BRD1: variants seen among roughly 807,000 people sequenced by gnomAD.
BRD1 encodes bromodomain-containing protein 1.
Under a neutral mutation model 107.7 loss-of-function variants are expected in BRD1, and 24 were observed. The ratio of observed to expected loss-of-function variants is 0.22; its 90% CI spans 0.16 to 0.31. The LOEUF is 0.31. Ranked by LOEUF, BRD1 falls within the 10% of genes least tolerant of loss-of-function variation. BRD1 has a pLI of 1.00. For synonymous variants in BRD1, 744 were observed against 686.1 expected (o/e 1.08, Z -1.32); for missense variants, 1,279 against 1,638.6 (o/e 0.78, Z 3.79).
chr22:49,804,188 G>A lies in BRD1; in HGVS notation c.1524+16C>T, dbSNP rs1436874766. On this transcript the variant is annotated intron_variant, in intron 3 of 12. Coordinates refer to ENST00000404760, the MANE Select transcript of BRD1 (RefSeq NM_001304808.3). ...TGAGAGACGCAGAAAGGCTGTGGGG[G>A]CCACGAGCCACGTACCTGCTGTGAG... 6.4e-7 allele frequency: 1 copy of A among 1,557,684 alleles called. No individual in the cohort carries two copies. The highest frequency in any genetic ancestry group is 1.2e-5 in the South Asian group (1 of 83,872).
rs2059031603 is a variant in BRD1, at chr22:49,773,872, T to G, written c.*361A>C. The G allele has an allele frequency of 5.8e-6, 1 of 172,474 alleles. No individual in the cohort carries two copies. 10.7% of individuals were successfully genotyped at this position (172,474 alleles called of 1,614,324 possible). On this transcript the variant is annotated 3_prime_UTR_variant, in exon 13 of 13. Transcript: ENST00000404760. ...CTTTCTTAAAATACACATTTGTCAT[T>G]GTAAATTTACATCCCGTCTTATTAA... is the stretch of plus-strand genomic sequence containing the variant.
chr22:49,821,294 T>A (rs1280231863), intron 2 of BRD1, among the ~76,000 whole-genome samples: 1 of 152,222 alleles, frequency 6.6e-6, no homozygotes, highest in African/African-American at 2.4e-5. Flanking sequence ...AGATCACATT[T>A]TGTTTATTTT....
chr22:49,788,485 T>A (rs969214335), intron 7 of BRD1, among the ~76,000 whole-genome samples: 1 of 152,148 alleles, frequency 6.6e-6, no homozygotes, highest in Non-Finnish European at 1.5e-5. Context: ...AATATTGTGA[T>A]GGGAGCTTTC....
chr22:49,781,050 C>A (rs557699202), intron 8 of BRD1, among the ~76,000 whole-genome samples: 1 of 152,288 alleles, frequency 6.6e-6, no homozygotes, highest in South Asian at 2.1e-4. Flanking sequence ...GTGAGAAATA[C>A]GTTAAAAGAG....
At position 49,798,617 on chromosome 22, in the gene BRD1, C is replaced by T. The variant is rs768131704; in HGVS notation, c.1726G>A (p.Asp576Asn). Residue 576 changes from aspartate to asparagine, a missense_variant, in exon 5 of 13, where the codon GAC becomes AAC. This residue lies in a region of BRD1 where 406 missense variants were observed against 519.4 expected (regional missense o/e 0.78). Transcript: ENST00000404760. Reference sequence around the variant, plus strand: ...GCGGGGTCCTTGTCTTGCAGCTGGTCCAGCACTGAGCGCAGCAGCACCGTC... The same window carrying T: ...GCGGGGTCCTTGTCTTGCAGCTGGTTCAGCACTGAGCGCAGCAGCACCGTC... ...PLTVLLRSVL[D>N]QLQDKDPARI... 84 of 1,614,000 alleles carry T rather than the reference C, an allele frequency of 5.2e-5. No individual in the cohort carries two copies. The highest frequency in any genetic ancestry group is 6.9e-5 in the Non-Finnish European group (82 of 1,180,028).
At chr22:49,822,855 A>G (rs1422286046) in intron 2 of BRD1, 96 bp downstream of exon 2, 4 of 1,426,950 alleles carry the variant, frequency 2.8e-6, no homozygotes, top group African/African-American at 2.9e-5. Flanking sequence ...TAGAAACGCA[A>G]TGACCACACA....
In BRD1 at chr22:49,775,665, C is replaced by A. The variant is rs199930732; in HGVS notation, c.3312G>T (p.Lys1104Asn). The change falls in exon 12 of 13, where the codon AAG becomes AAT. Residue 1104 changes from lysine (K) to asparagine (N), a missense_variant. Physicochemically the swap from Lys to Asn is moderately conservative, Grantham distance 94. Coordinates refer to ENST00000404760, the MANE Select transcript of BRD1 (RefSeq NM_001304808.3). ...ACTTGGTCTGCATGTGCTCCCCAATCTTCAGCACGTCCAGGGGTGGGGCCG... is the reference window on the plus strand; with the variant it reads ...ACTTGGTCTGCATGTGCTCCCCAATATTCAGCACGTCCAGGGGTGGGGCCG... ...TIPAPPLDVL[K>N]IGEHMQTKSD... 1 of 1,613,876 alleles carries A rather than the reference C, an allele frequency of 6.2e-7. No individual in the cohort carries two copies. Among genetic ancestry groups the A allele is most frequent in the South Asian group, 1.1e-5 (1 of 91,060 alleles).
intron 8 of BRD1, among the ~76,000 whole-genome samples, chr22:49,779,436 CCA>C (rs994044776): frequency 4.6e-5 from 7 of 152,182 alleles, no homozygotes; most frequent in African/African-American, 1.7e-4. Context: ...CTGCTGCCCT[CCA>C]CAGACTCAAG....
At position 49,826,349 on chromosome 22, in the gene BRD1, G is replaced by A. The variant is rs2060148791; in HGVS notation, c.-15+1148C>T. ...ACCCTCAACATGCAACTGGGACCCG[G>A]GGAAAGTAGGCCCTCAGCAGGGCAG... On this transcript the variant is annotated intron_variant, in intron 1 of 12. Transcript: ENST00000404760. The A allele has an allele frequency of 5.0e-6, 4 of 794,904 alleles. No homozygotes were observed. The South Asian group carries it at 1.7e-4, about 34-fold the overall frequency. 49.2% of individuals were successfully genotyped at this position (794,904 alleles called of 1,614,324 possible).
At chr22:49,791,921 C>A (rs577896679) in intron 7 of BRD1, among the ~76,000 whole-genome samples, 1 of 152,288 alleles carries the variant, frequency 6.6e-6, no homozygotes, top group African/African-American at 2.4e-5. Flanking sequence ...GTCTCAGTCA[C>A]ATTGTGTTTT....
intron 3 of BRD1, among the ~76,000 whole-genome samples, chr22:49,801,220 T>C (rs1361223476): frequency 6.6e-6 from 1 of 152,250 alleles, no homozygotes; most frequent in Non-Finnish European, 1.5e-5. Context: ...CACAAATCGC[T>C]GCTCACCCTT....
At chr22:49,812,706 A>C (rs562702949) in intron 2 of BRD1, among the ~76,000 whole-genome samples, 58 of 152,366 alleles carry the variant, frequency 3.8e-4, no homozygotes, top group African/African-American at 1.4e-3. Context: ...CTCTAACCAG[A>C]AGTCTGACAA....
At chr22:49,799,422 G>A (rs977454848) in intron 3 of BRD1, among the ~76,000 whole-genome samples, 22 of 149,090 alleles carry the variant, frequency 1.5e-4, no homozygotes, top group Non-Finnish European at 1.9e-4. Flanking sequence ...AGCTGGCGGC[G>A]GGGGGGGCCT....
intron 7 of BRD1, among the ~76,000 whole-genome samples, chr22:49,791,234 C>A (rs116786876): frequency 6.6e-6 from 1 of 152,240 alleles, no homozygotes; most frequent in African/African-American, 2.4e-5. Context: ...CCTCTGCACT[C>A]GGCAGACTGA....
Position 49,799,366 on chromosome 22 carries a change from C to G in BRD1, c.1525-247G>C, listed in dbSNP as rs1823811421. 3.9e-5 allele frequency among the ~76,000 whole-genome samples: 6 copies of G among 152,218 alleles called. No homozygotes were observed. The South Asian group carries it at 1.2e-3, about 32-fold the overall frequency. ...AGGCCAAGGTGAGCAGGGGGCTGGC[C>G]CCGGTGCACAGGTTCCACCCTCCAG... On this transcript the variant is annotated intron_variant, in intron 3 of 12. Coordinates refer to ENST00000404760, the MANE Select transcript of BRD1 (RefSeq NM_001304808.3).
rs143624797 is a variant in BRD1 at position 49,823,115 on chromosome 22, G to A, written c.1203C>T (p.Tyr401=). Residue 401 remains tyrosine (Y), a synonymous_variant, in exon 2 of 13, where the codon TAC becomes TAT. Transcript: ENST00000404760. ...CGCCATTTTTCATTTCGACATCCCC[G>A]TAAATATTCAGAGGCCTCCGGGTGC... ...PGCTRRPLNI[Y]GDVEMKNGVC... 9.4e-4 allele frequency: 1,523 copies of A among 1,614,176 alleles called. 2 individuals are homozygous for A. The highest frequency in any genetic ancestry group is 1.5e-3 in the Admixed American group (91 of 60,022).
chr22:49,773,361 C>T lies in BRD1; in HGVS notation c.*872G>A, dbSNP rs895538872. The stretch of plus-strand genomic sequence containing the variant: ...CTACTTTCCCCAACATAATGCTTTA[C>T]CTCTTAAAAATAAAAATAAAGTACT... On this transcript the variant is annotated 3_prime_UTR_variant, in exon 13 of 13. Transcript: ENST00000404760. 6.6e-6 allele frequency: 1 copy of T among 152,272 alleles called. No homozygotes were observed. The highest frequency in any genetic ancestry group is 2.4e-5 in the African/African-American group (1 of 41,422). The allele number at this position is 152,272 out of a possible 1,614,324, so 9.4% of individuals were successfully genotyped here. A position where few individuals can be genotyped will look rare whatever the true frequency, so the allele number is the denominator to read the frequency against.
chr22:49,817,445 A>T (rs900099068), intron 2 of BRD1: 1 of 153,324 alleles, frequency 6.5e-6, no homozygotes, highest in Non-Finnish European at 1.5e-5. Flanking sequence ...AAGACAGGAG[A>T]TCCAGACAAA....
Position 49,799,101 on chromosome 22 carries a change from TCTC to T in BRD1, c.1540_1542del (p.Glu514del), listed in dbSNP as rs764745836. The T allele has an allele frequency of 6.2e-7, 1 of 1,608,622 alleles. No homozygotes were observed. The highest frequency in any genetic ancestry group is 1.1e-5 in the South Asian group (1 of 91,060). On this transcript the variant is annotated inframe_deletion, in exon 4 of 13. Transcript: ENST00000404760. Reference sequence around the variant, plus strand: ...TTCAGCTTCTCTTTGGCAGCCTTCATCTCCTCATCATTTTCTCTCTGAGAACAG... The same window carrying T: ...TTCAGCTTCTCTTTGGCAGCCTTCATCTCATCATTTTCTCTCTGAGAACAG...
Sources: allele counts gnomAD v4.1 joint callset (sites outside exome capture counted in the v4.1 genomes callset), GRCh38; gene constraint gnomAD v4.1.1; regional missense constraint gnomAD v4.1.1; transcripts MANE v1.5; gene names NCBI Gene and HGNC (gene_info 2026-07-23, HGNC 2026-07-21).